Variants in USP13 observed in about 807,000 individuals in gnomAD.
USP13 encodes ubiquitin specific peptidase 13, also known as ubiquitin carboxyl-terminal hydrolase 13.
USP13 carries 68 observed loss-of-function variants against 107.8 expected under a neutral mutation model. The observed-to-expected ratio is 0.63, with a 90% CI of 0.52 to 0.77. The LOEUF (loss-of-function observed/expected upper bound fraction) is 0.77. USP13 is among the 30% of genes least tolerant of loss of function. The pLI, the probability that USP13 is intolerant of heterozygous loss-of-function variation, is 0.00. For missense variants in USP13, 945 were observed against 1,093.3 expected, an observed-to-expected ratio of 0.86 and a Z score of 1.91; for synonymous variants, 377 against 389.5, an observed-to-expected ratio of 0.97 and a Z score of 0.38.
At chr3:179,761,285 G>T in intron 17 of USP13, 30 bp downstream of exon 17, 5 of 1,613,182 alleles carry the variant, frequency 3.1e-6, no homozygotes, top group Non-Finnish European at 4.2e-6. Context: ...AATGGCTTTG[G>T]AGTCTGATGT....
At chr3:179,662,582 G>C (rs997088821) in intron 1 of USP13, among the ~76,000 whole-genome samples, 1 of 152,038 alleles carries the variant, frequency 6.6e-6, no homozygotes, top group African/African-American at 2.4e-5. Context: ...CCTTTGATTG[G>C]GGTTTCAGAA....
At chr3:179,752,195 T>A in intron 13 of USP13, 90 bp from the exon 14 acceptor site, 1 of 1,134,398 alleles carries the variant, frequency 8.8e-7, no homozygotes, top group Non-Finnish European at 1.3e-6. Context: ...AATGGCCAGG[T>A]GTGCCTCAGA....
At chr3:179,710,057 A>G (rs1413285547) in intron 6 of USP13, among the ~76,000 whole-genome samples, 2 of 152,076 alleles carry the variant, frequency 1.3e-5, no homozygotes, top group Non-Finnish European at 2.9e-5. Context: ...CATTTTAGAG[A>G]ATTTTCCTGC....
At chr3:179,723,584 T>A (rs1000833224) in intron 8 of USP13, among the ~76,000 whole-genome samples, 2 of 152,344 alleles carry the variant, frequency 1.3e-5, no homozygotes, top group Middle Eastern at 3.4e-3. Flanking sequence ...GCTTTATGTT[T>A]TTGAGAATTT....
intron 19 of USP13, among the ~76,000 whole-genome samples, chr3:179,776,336 CTT>C (rs1715537301): frequency 2.0e-5 from 3 of 152,124 alleles, no homozygotes; most frequent in African/African-American, 4.8e-5. Flanking sequence ...CCTAGATAAT[CTT>C]TGGGTGGCCT....
chr3:179,699,699 C>CAA lies in USP13; in HGVS notation c.356-1295_356-1294dup, dbSNP rs10646420. Among the ~76,000 whole-genome samples, 267 of 118,160 alleles carry CAA rather than the reference C, an allele frequency of 2.3e-3. 26 individuals are homozygous for CAA. Among genetic ancestry groups the CAA allele is most frequent in the East Asian group, 3.5e-3 (14 of 4,016 alleles). The allele number at this position is 118,160 out of a possible 152,430, so 77.5% of individuals were successfully genotyped here. On this transcript the variant is annotated intron_variant, in intron 3 of 20. Transcript: ENST00000263966. ...TTGGCAACAGAGTGACACCCTGCCTCAAAAAAAAAAAAAAAGCTTAGATTG... is the reference window on the plus strand; with the variant it reads ...TTGGCAACAGAGTGACACCCTGCCTCAAAAAAAAAAAAAAAAAGCTTAGATTG...
chr3:179,783,440 T>C (rs1037504199), intron 20 of USP13, among the ~76,000 whole-genome samples: 2 of 152,250 alleles, frequency 1.3e-5, no homozygotes, highest in Non-Finnish European at 2.9e-5. Flanking sequence ...TTTCATATTA[T>C]ATCATGGTTA....
Position 179,702,656 on chromosome 3 carries a change from G to C in USP13, c.477+1527G>C, listed in dbSNP as rs2300770. On this transcript the variant is annotated intron_variant, in intron 4 of 20. Transcript: ENST00000263966. The stretch of plus-strand genomic sequence containing the variant: ...GATCACAGAAATCAGAATTTTGTGT[G>C]TATTTATTTATTGTGCCTCTTCTTT... Among the ~76,000 whole-genome samples the C allele has an allele frequency of 2.0e-3, 305 of 152,182 alleles. 2 individuals carry two copies. The highest frequency in any genetic ancestry group is 7.1e-3 in the African/African-American group (293 of 41,514).
chr3:179,685,459 G>T (rs981648096), intron 2 of USP13, among the ~76,000 whole-genome samples: 1 of 152,076 alleles, frequency 6.6e-6, no homozygotes, highest in African/African-American at 2.4e-5. Context: ...AGGAGGAAGA[G>T]AATGAAGAAA....
At chr3:179,774,564 G>C (rs1715451223) in intron 19 of USP13, among the ~76,000 whole-genome samples, 1 of 152,196 alleles carries the variant, frequency 6.6e-6, no homozygotes, top group Admixed American at 6.5e-5. Context: ...CTCCCTGTGG[G>C]TTTGTGGTCT....
chr3:179,661,278 C>T (rs1330978947), intron 1 of USP13, among the ~76,000 whole-genome samples: 1 of 152,192 alleles, frequency 6.6e-6, no homozygotes, highest in Admixed American at 6.5e-5. Context: ...CAGTCACTTA[C>T]CTCACCTGAA....
intron 10 of USP13, among the ~76,000 whole-genome samples, chr3:179,735,797 C>T (rs1266482760): frequency 6.6e-6 from 1 of 152,190 alleles, no homozygotes; most frequent in Admixed American, 6.5e-5. Context: ...CTTTGAGAAG[C>T]TGAGGCAGGA....
chr3:179,781,327 C>T (rs1036609238), intron 19 of USP13, among the ~76,000 whole-genome samples: 8 of 151,942 alleles, frequency 5.3e-5, no homozygotes, highest in Admixed American at 4.6e-4. Flanking sequence ...TACAACCCTG[C>T]GAAGTGGGTG....
chr3:179,744,407 A>G (rs887129630), intron 12 of USP13, among the ~76,000 whole-genome samples: 4 of 151,860 alleles, frequency 2.6e-5, no homozygotes, highest in African/African-American at 7.3e-5. Context: ...AACAGCTTAA[A>G]GTTAACAAGA....
chr3:179,683,541 GA>G (rs1711751192), intron 2 of USP13, among the ~76,000 whole-genome samples: 1 of 152,206 alleles, frequency 6.6e-6, no homozygotes, highest in East Asian at 1.9e-4. Context: ...ATCTTACGTG[GA>G]TGGTAGCAGG....
At chr3:179,745,311 C>G in intron 13 of USP13, 94 bp downstream of exon 13, 3 of 1,453,946 alleles carry the variant, frequency 2.1e-6, no homozygotes, top group Non-Finnish European at 2.8e-6. Context: ...TTATTTGTGT[C>G]TGTGTGTGTT....
At chr3:179,722,495 T>C (rs1365922462) in intron 8 of USP13, among the ~76,000 whole-genome samples, 2 of 152,320 alleles carry the variant, frequency 1.3e-5, no homozygotes, top group Non-Finnish European at 1.5e-5. Context: ...TTTTAACTTA[T>C]TTTTAATTAT....
intron 15 of USP13, among the ~76,000 whole-genome samples, chr3:179,755,777 C>T (rs548817049): frequency 2.0e-5 from 3 of 152,322 alleles, no homozygotes; most frequent in African/African-American, 7.2e-5. Flanking sequence ...AGTAGATTAA[C>T]TCATAACGAC....
chr3:179,723,812 T>C (rs1194062509), intron 8 of USP13, among the ~76,000 whole-genome samples: 1 of 152,058 alleles, frequency 6.6e-6, no homozygotes, highest in Non-Finnish European at 1.5e-5. Context: ...CAGGTCTAAC[T>C]CAGTGGAGTT....
Sources: gnomAD v4.1 joint callset for allele counts (sites outside exome capture counted in the v4.1 genomes callset) on GRCh38, gnomAD v4.1.1 for gene constraint, MANE v1.5 for transcripts, NCBI Gene and HGNC (gene_info 2026-07-23, HGNC 2026-07-21) for gene names.